The following BSN variants were observed in gnomAD, a reference collection of about 807,000 sequenced individuals.
BSN encodes bassoon presynaptic cytomatrix protein, also known as protein bassoon.
Under a neutral mutation model 264.8 loss-of-function variants are expected in BSN, and 57 were observed. The ratio of observed to expected loss-of-function variants is 0.22; its 90% CI spans 0.17 to 0.27. The LOEUF is 0.27. Among genes scored for constraint, BSN ranks in the 10% least tolerant of loss-of-function variants. The pLI, the probability that BSN is intolerant of heterozygous loss-of-function variation, is 1.00. For synonymous variants in BSN, 2,059 were observed against 2,137.3 expected, an observed-to-expected ratio of 0.96 and a Z score of 1.01; for missense variants, 4,615 against 5,232.5, an observed-to-expected ratio of 0.88 and a Z score of 3.64.
At position 49,625,575 on chromosome 3, in the gene BSN, C is replaced by T. The variant is rs1469414915; in HGVS notation, c.633+192C>T. ...AAGAACAGGGCCTGGCCCCAGATCT[C>T]CCAAGGGATTTCTGCATCCCCTGAA... On this transcript the variant is annotated intron_variant, in intron 2 of 11. Transcript: ENST00000296452. The surrounding 1 kb of genome is among the most constrained non-coding windows in gnomAD (Gnocchi z 4.4). 6.6e-6 allele frequency among the ~76,000 whole-genome samples: 1 copy of T among 152,216 alleles called. No individual in the cohort carries two copies. The highest frequency in any genetic ancestry group is 1.5e-5 in the Non-Finnish European group (1 of 68,048).
intron 7 of BSN, 48 bp downstream of exon 7, chr3:49,663,714 A>T: frequency 2.5e-6 from 4 of 1,607,750 alleles, no homozygotes; most frequent in Non-Finnish European, 3.4e-6. Flanking sequence ...AGATGCTATG[A>T]ATGAAGCTTG....
At chr3:49,609,089 CTTTTTTT>C (rs35003449) in intron 1 of BSN, among the ~76,000 whole-genome samples, 29 of 89,024 alleles carry the variant, frequency 3.3e-4, no homozygotes, top group African/African-American at 7.2e-4. Flanking sequence ...GTTAAATTGA[CTTTTTTT>C]TTTTTTTTTT....
intron 1 of BSN, among the ~76,000 whole-genome samples, chr3:49,595,514 C>T (rs2052016535): frequency 6.6e-6 from 1 of 151,076 alleles, no homozygotes; most frequent in African/African-American, 2.4e-5. Flanking sequence ...TTTAAAGAGA[C>T]AGTGTCTTGC....
intron 1 of BSN, among the ~76,000 whole-genome samples, chr3:49,605,836 AAT>A (rs1158587153): frequency 1.6e-4 from 11 of 69,356 alleles, no homozygotes; most frequent in Non-Finnish European, 2.2e-4. Context: ...AATAGATATA[AAT>A]ATATATATTT....
Position 49,643,141 on chromosome 3 carries a change from C to G in BSN, c.1507C>G (p.His503Asp), listed in dbSNP as rs1425828093. The G allele has an allele frequency of 1.2e-6, 2 of 1,607,710 alleles. No homozygotes were observed. The highest frequency in any genetic ancestry group is 1.7e-6 in the Non-Finnish European group (2 of 1,175,556). Residue 503 changes from histidine (H) to aspartate (D), a missense_variant, in exon 3 of 12, where the codon CAC (histidine) becomes GAC (aspartate). Physicochemically the swap from His to Asp is moderately conservative, Grantham distance 81. Transcript: ENST00000296452. ...CCTGTGTGGCTTCAACCCAACACCC[C>G]ACCTGGTGGAGGTAAGAGCTGGACC... The part of the protein sequence containing the change: ...CNLCGFNPTP[H>D]LVEKTEWLCL...
intron 1 of BSN, among the ~76,000 whole-genome samples, chr3:49,605,463 A>ATATATAT (rs2052111507): frequency 8.7e-5 from 1 of 11,452 alleles, no homozygotes; most frequent in African/African-American, 4.4e-4. Flanking sequence ...AATATATATT[A>ATATATAT]TATATAATAT....
intron 1 of BSN, among the ~76,000 whole-genome samples, chr3:49,587,334 A>G (rs550743214): frequency 4.9e-4 from 75 of 152,344 alleles, no homozygotes; most frequent in Non-Finnish European, 8.5e-4. Flanking sequence ...TTTTACAAAT[A>G]TAAGACCATA....
At chr3:49,556,167 C>A (rs749649290) in intron 1 of BSN, among the ~76,000 whole-genome samples, 3 of 152,196 alleles carry the variant, frequency 2.0e-5, no homozygotes, top group African/African-American at 4.8e-5. Context: ...CTCACCCAGG[C>A]TTTAGTGTTC....
intron 3 of BSN, among the ~76,000 whole-genome samples, chr3:49,645,146 A>C (rs1054619441): frequency 5.9e-5 from 9 of 152,270 alleles, no homozygotes; most frequent in Non-Finnish European, 1.2e-4. Flanking sequence ...GATGGGTCCC[A>C]TGGGCCTGAA....
rs1209364704 is a variant in BSN at position 49,642,245 on chromosome 3, G to A, written c.634-23G>A. On this transcript the variant is annotated intron_variant, in intron 2 of 11. Transcript: ENST00000296452. The surrounding 1 kb of genome is among the most constrained non-coding windows in gnomAD (Gnocchi z 7.0). ...TACTGCCAATCCTGGCCACCCTGCT[G>A]ACTATTTTGCTTTTCTCCTCAGGTG... 2 of 1,499,622 alleles carry A rather than the reference G, an allele frequency of 1.3e-6. No individual in the cohort carries two copies. The highest frequency in any genetic ancestry group is 2.8e-5 in the African/African-American group (2 of 71,374). The allele number at this position is 1,499,622 out of a possible 1,614,324, so 92.9% of individuals were successfully genotyped here.
At chr3:49,602,845 C>T (rs1040972150) in intron 1 of BSN, among the ~76,000 whole-genome samples, 3 of 152,196 alleles carry the variant, frequency 2.0e-5, no homozygotes, top group East Asian at 1.9e-4. Context: ...TGCTAAGAAA[C>T]GACCAGTTTC....
chr3:49,655,348 C>A lies in BSN; in HGVS notation c.5792C>A (p.Ala1931Asp). 1 of 1,597,204 alleles carries A rather than the reference C, an allele frequency of 6.3e-7. No homozygotes were observed. Among genetic ancestry groups the A allele is most frequent in the Non-Finnish European group, 8.5e-7 (1 of 1,171,692 alleles). Residue 1931 changes from alanine (A) to aspartate (D), a missense_variant, in exon 5 of 12, where the codon GCT (alanine) becomes GAT (aspartate). By Grantham distance (126) the Ala-to-Asp change is moderately radical. Transcript: ENST00000296452. The stretch of plus-strand genomic sequence containing the variant: ...GTGCCTGAGAAGAGCATGGCAGATG[C>A]TGCCCCACCTGGCCAAAGCAGCAGC... ...PSVPEKSMAD[A>D]APPGQSSSPF...
At chr3:49,623,931 T>C (rs779521720) in intron 1 of BSN, among the ~76,000 whole-genome samples, 1 of 152,250 alleles carries the variant, frequency 6.6e-6, no homozygotes, top group Non-Finnish European at 1.5e-5. Context: ...CCTGCCTCCA[T>C]AGATTTTTAT....
intron 1 of BSN, among the ~76,000 whole-genome samples, chr3:49,593,726 A>T (rs1375090875): frequency 5.7e-5 from 8 of 140,810 alleles, no homozygotes; most frequent in Non-Finnish European, 9.3e-5. Context: ...TGTTTTCTAA[A>T]TTTTTTTCTT....
intron 1 of BSN, among the ~76,000 whole-genome samples, chr3:49,575,411 AAT>A (rs967969133): frequency 1.6e-3 from 239 of 147,112 alleles, no homozygotes; most frequent in Non-Finnish European, 2.4e-3. Context: ...TATATATGTA[AAT>A]ATATATATGT....
chr3:49,555,058 G>A (rs1211047605), intron 1 of BSN, among the ~76,000 whole-genome samples: 1 of 152,202 alleles, frequency 6.6e-6, no homozygotes, highest in African/African-American at 2.4e-5. Flanking sequence ...CCTGCAGACC[G>A]TGACTCCGTC....
At chr3:49,592,708 G>C (rs1246788313) in intron 1 of BSN, among the ~76,000 whole-genome samples, 2 of 150,486 alleles carry the variant, frequency 1.3e-5, no homozygotes, top group South Asian at 2.1e-4. Flanking sequence ...CCGAGATAGC[G>C]CCGCTGCACT....
At position 49,654,192 on chromosome 3, in the gene BSN, G is replaced by T; in HGVS notation, c.4636G>T (p.Val1546Leu). The T allele has an allele frequency of 6.2e-7, 1 of 1,614,016 alleles. No homozygotes were observed. The highest frequency in any genetic ancestry group is 1.1e-5 in the South Asian group (1 of 91,078). Reference sequence around the variant, plus strand: ...ACATCGACCCAGCACGCCTCGCCTGGTGTGGCAGGAGTCCTCTCAAGAGGC... The same window carrying T: ...ACATCGACCCAGCACGCCTCGCCTGTTGTGGCAGGAGTCCTCTCAAGAGGC... ...TPHRPSTPRL[V>L]WQESSQEAPF... The change falls in exon 5 of 12, where the codon GTG becomes TTG. Residue 1546 changes from valine to leucine, a missense_variant. Physicochemically the swap from Val to Leu is conservative, Grantham distance 32. Transcript: ENST00000296452. The surrounding 1 kb of genome is among the most constrained non-coding windows in gnomAD (Gnocchi z 4.1).
At chr3:49,561,904 A>C (rs1408558200) in intron 1 of BSN, among the ~76,000 whole-genome samples, 2 of 151,536 alleles carry the variant, frequency 1.3e-5, no homozygotes, top group African/African-American at 2.4e-5. Flanking sequence ...GCCTCTTGGG[A>C]TCAAGTGATT....
Sources: allele counts gnomAD v4.1 joint callset (sites outside exome capture counted in the v4.1 genomes callset), GRCh38; gene constraint gnomAD v4.1.1; non-coding constraint Gnocchi (gnomAD v3.1); transcripts MANE v1.5; gene names NCBI Gene and HGNC (gene_info 2026-07-23, HGNC 2026-07-21).